F3: variants seen among roughly 807,000 people sequenced by gnomAD.
The protein encoded by F3 is tissue factor.
A neutral mutation model predicts 33.5 loss-of-function variants in F3; 18 were observed. The observed-to-expected ratio is 0.54, with a 90% CI of 0.37 to 0.80. F3 has a LOEUF of 0.80. Ranked by LOEUF, F3 falls within the 30% of genes least tolerant of loss-of-function variation. The pLI is 0.00. For synonymous variants in F3, 147 were observed against 140.7 expected (o/e 1.05, Z -0.32); for missense variants, 353 against 362.1 (o/e 0.97, Z 0.20).
At chr1:94,540,533 T>A in intron 1 of F3, 165 bp from the exon 2 acceptor site, 1 of 540,940 alleles carries the variant, frequency 1.8e-6, no homozygotes, top group Non-Finnish European at 3.2e-6. Context: ...AATCTTCAAA[T>A]TTTTTCTAGA....
intron 3 of F3, among the ~76,000 whole-genome samples, chr1:94,533,664 C>T (rs1321664145): frequency 6.6e-6 from 1 of 152,036 alleles, no homozygotes; most frequent in East Asian, 1.9e-4. Flanking sequence ...TGTGCCGCCT[C>T]CTACTTCCTC....
chr1:94,530,283 A>C lies in F3; in HGVS notation c.*177T>G, dbSNP rs2101087428. 1.5e-6 allele frequency: 1 copy of C among 678,540 alleles called. No homozygotes were observed. Among genetic ancestry groups the C allele is most frequent in the East Asian group, 2.7e-5 (1 of 36,862 alleles). 42.0% of individuals were successfully genotyped at this position (678,540 alleles called of 1,614,324 possible). On this transcript the variant is annotated 3_prime_UTR_variant, in exon 6 of 6. Coordinates refer to ENST00000334047, the MANE Select transcript of F3 (RefSeq NM_001993.5). The stretch of plus-strand genomic sequence containing the variant: ...CCATTCGTTACATTTCAAAGTGACT[A>C]ATGCTGATGTCAAAACCAGAATGCT...
At chr1:94,530,691 A>G in intron 5 of F3, 95 bp from the exon 6 acceptor site, 2 of 1,458,512 alleles carry the variant, frequency 1.4e-6, no homozygotes, top group Non-Finnish European at 9.4e-7. Context: ...ACACCATCCT[A>G]TTTTTGTGCA....
In F3 at chr1:94,536,182, G is replaced by A. The variant is rs908328573; in HGVS notation, c.213-18C>T. 8.7e-6 allele frequency: 14 copies of A among 1,610,566 alleles called. No homozygotes were observed. The highest frequency in any genetic ancestry group is 1.2e-5 in the Non-Finnish European group (14 of 1,177,750). On this transcript the variant is annotated intron_variant, in intron 2 of 5. Coordinates refer to ENST00000334047, the MANE Select transcript of F3 (RefSeq NM_001993.5). ...ACTTAGTGCTAAAGAAAGAAAAGAA[G>A]GAAGAAACATAAATGGAATGTTACA...
At chr1:94,535,177 A>C (rs1372865335) in intron 3 of F3, among the ~76,000 whole-genome samples, 3 of 152,172 alleles carry the variant, frequency 2.0e-5, no homozygotes, top group Non-Finnish European at 2.9e-5. Context: ...TAACACTCAC[A>C]CAACACCTTC....
At chr1:94,536,318 T>C (rs777259836) in intron 2 of F3, among the ~76,000 whole-genome samples, 154 bp from the exon 3 acceptor site, 2 of 152,174 alleles carry the variant, frequency 1.3e-5, no homozygotes, top group Non-Finnish European at 2.9e-5. Flanking sequence ...ACTTTGCTTT[T>C]TTTTAAACAT....
chr1:94,537,112 G>A (rs1200291959), intron 2 of F3, among the ~76,000 whole-genome samples: 1 of 152,158 alleles, frequency 6.6e-6, no homozygotes, highest in African/African-American at 2.4e-5. Flanking sequence ...CAGAATAAGA[G>A]TACAGGTAGT....
chr1:94,533,459 G>T (rs1332215655), intron 3 of F3, among the ~76,000 whole-genome samples, 191 bp from the exon 4 acceptor site: 2 of 152,218 alleles, frequency 1.3e-5, no homozygotes, highest in Non-Finnish European at 2.9e-5. Context: ...GCTGGCCCAA[G>T]GGGAAGACAA....
At chr1:94,540,603 G>C (rs1651743268) in intron 1 of F3, 1 of 443,436 alleles carries the variant, frequency 2.3e-6, no homozygotes, top group Non-Finnish European at 4.0e-6. Flanking sequence ...CAAGGATCTT[G>C]ACATTTTCGT....
At chr1:94,533,357 A>G (rs1036701463) in intron 3 of F3, 89 bp from the exon 4 acceptor site, 2 of 1,463,614 alleles carry the variant, frequency 1.4e-6, no homozygotes, top group African/African-American at 1.4e-5. Flanking sequence ...CAACTTAATT[A>G]TCTCTCATAT....
At position 94,532,378 on chromosome 1, in the gene F3, G is replaced by C. The variant is rs143207556; in HGVS notation, c.694C>G (p.Arg232Gly). 22 of 1,613,970 alleles carry C rather than the reference G, an allele frequency of 1.4e-5. No individual in the cohort carries two copies. In the South Asian group the frequency reaches 2.4e-4, roughly 18 times the overall value. The change falls in exon 5 of 6, where the codon CGG (arginine) becomes GGG (glycine). Residue 232 changes from arginine (R) to glycine (G), a missense_variant. By Grantham distance (125) the Arg-to-Gly change is moderately radical. Coordinates refer to ENST00000334047, the MANE Select transcript of F3 (RefSeq NM_001993.5). The part of the protein sequence containing the change: ...QAVIPSRTVN[R>G]KSTDSPVECM... ...TCTACCGGGCTGTCTGTACTCTTCC[G>C]GTTAACTGTTCGGGAGGGAATCACT...
intron 2 of F3, among the ~76,000 whole-genome samples, chr1:94,537,561 A>G (rs982380949): frequency 5.3e-5 from 8 of 152,212 alleles, no homozygotes; most frequent in African/African-American, 1.7e-4. Flanking sequence ...TGACTATTAG[A>G]TGGTTTGCAT....
At chr1:94,541,413 C>G in intron 1 of F3, 124 bp downstream of exon 1, 1 of 736,848 alleles carries the variant, frequency 1.4e-6, no homozygotes, top group Non-Finnish European at 2.0e-6. Flanking sequence ...GCAGCCGAGT[C>G]CCGTAGGCGC....
At position 94,532,379 on chromosome 1, in the gene F3, G is replaced by T. The variant is rs897486927; in HGVS notation, c.693C>A (p.Asn231Lys). The T allele has an allele frequency of 2.5e-6, 4 of 1,614,158 alleles. No homozygotes were observed. Among genetic ancestry groups the T allele is most frequent in the Non-Finnish European group, 3.4e-6 (4 of 1,180,036 alleles). The change falls in exon 5 of 6, where the codon AAC (asparagine) becomes AAA (lysine). Residue 231 changes from asparagine (N) to lysine (K), a missense_variant. Physicochemically the swap from Asn to Lys is moderately conservative, Grantham distance 94. Coordinates refer to ENST00000334047, the MANE Select transcript of F3 (RefSeq NM_001993.5). ...CTACCGGGCTGTCTGTACTCTTCCG[G>T]TTAACTGTTCGGGAGGGAATCACTG... Reference protein sequence around the residue: ...VQAVIPSRTVNRKSTDSPVEC... With the variant: ...VQAVIPSRTVKRKSTDSPVEC...
chr1:94,536,080 C>T lies in F3; in HGVS notation c.297G>A (p.Val99=), dbSNP rs943081176. Reference sequence around the variant, plus strand: ...AGACCCGTGCCAAGTACGTCTGCTTCACATCCTTCACAATCTCGTCGGTGA... The same window carrying T: ...AGACCCGTGCCAAGTACGTCTGCTTTACATCCTTCACAATCTCGTCGGTGA... ...CDLTDEIVKD[V]KQTYLARVFS... is the part of the protein sequence containing the mutation. Residue 99 remains valine, a synonymous_variant, in exon 3 of 6, where the codon GTG becomes GTA. Coordinates refer to ENST00000334047, the MANE Select transcript of F3 (RefSeq NM_001993.5). 6.2e-7 allele frequency: 1 copy of T among 1,614,194 alleles called. No individual in the cohort carries two copies.
In F3 at chr1:94,540,309, T is replaced by C. The variant is rs114064069; in HGVS notation, c.160A>G (p.Ile54Val). 1,000 of 1,614,108 alleles carry C rather than the reference T, an allele frequency of 6.2e-4. 5 individuals are homozygous for C. The African/African-American group carries it at 8.4e-3, about 14-fold the overall frequency. The change falls in exon 2 of 6, where the codon ATT becomes GTT. Residue 54 changes from isoleucine to valine, a missense_variant. Ile to Val is a conservative substitution (Grantham distance 29). Transcript: ENST00000334047. ...ACGGGTTTGGGTTCCCACTCCAAAA[T>C]TGTCTTGAAATTAGTTGATTTCCAA... ...LTWKSTNFKTILEWEPKPVNQ... is the reference protein window; with the variant it reads ...LTWKSTNFKTVLEWEPKPVNQ...
chr1:94,535,853 G>C, intron 3 of F3, 112 bp downstream of exon 3: 1 of 1,022,824 alleles, frequency 9.8e-7, no homozygotes, highest in Non-Finnish European at 1.5e-6. Context: ...ACCAGTTTCT[G>C]AGAAAAAAAG....
In F3 at chr1:94,541,717, C is replaced by A. The variant is rs2101096515; in HGVS notation, c.-81G>T. On this transcript the variant is annotated 5_prime_UTR_variant, in exon 1 of 6. Transcript: ENST00000334047. ...AGGTTGGGCTGAAGGCGCCCTGGGC[C>A]GGCCAGAGGGAGTGCGAGGGGGTGC... 8 of 915,194 alleles carry A rather than the reference C, an allele frequency of 8.7e-6. No individual in the cohort carries two copies. Among genetic ancestry groups the A allele is most frequent in the Non-Finnish European group, 1.2e-5 (8 of 665,834 alleles). The allele number at this position is 915,194 out of a possible 1,614,324, so 56.7% of individuals were successfully genotyped here.
chr1:94,532,875 G>C, intron 4 of F3: 1 of 581,648 alleles, frequency 1.7e-6, no homozygotes, highest in African/African-American at 1.9e-5. Flanking sequence ...CTGGGTCTCC[G>C]AGGGGGCCCT....
Sources: allele counts gnomAD v4.1 joint callset (sites outside exome capture counted in the v4.1 genomes callset), GRCh38; gene constraint gnomAD v4.1.1; transcripts MANE v1.5; gene names NCBI Gene and HGNC (gene_info 2026-07-23, HGNC 2026-07-21).